PPP2R2C: variants seen among roughly 807,000 people sequenced by gnomAD.
PPP2R2C encodes the protein protein phosphatase 2 regulatory subunit Bgamma, also known as protein phosphatase 2, regulatory subunit B, gamma.
A neutral mutation model predicts 45.3 loss-of-function variants in PPP2R2C; 10 were observed. That is an observed-to-expected ratio of 0.22 (90% CI 0.14 to 0.37). PPP2R2C has a LOEUF of 0.37. Among genes scored for constraint, PPP2R2C ranks in the 10% least tolerant of loss-of-function variants. PPP2R2C has a pLI of 1.00. For synonymous variants in PPP2R2C, 257 were observed against 245.4 expected, an observed-to-expected ratio of 1.05 and a Z score of -0.44; for missense variants, 308 against 619.7, an observed-to-expected ratio of 0.50 and a Z score of 5.34.
intron 2 of PPP2R2C, among the ~76,000 whole-genome samples, chr4:6,528,747 C>T (rs148364978): frequency 0.048 from 7,364 of 152,258 alleles, 236 homozygotes; most frequent in Middle Eastern, 0.099. Flanking sequence ...TAACTGATGA[C>T]ATTATCTTGT....
Position 6,471,496 on chromosome 4 carries a change from T to TTTTAAACAG in PPP2R2C, c.70+663_70+664insCTGTTTAAA, listed in dbSNP as rs1464024386. 3 of 152,284 alleles carry TTTTAAACAG rather than the reference T, an allele frequency of 2.0e-5. No homozygotes were observed. Among genetic ancestry groups the TTTTAAACAG allele is most frequent in the East Asian group, 3.9e-4 (2 of 5,136 alleles). 9.4% of individuals were successfully genotyped at this position (152,284 alleles called of 1,614,324 possible). A position where few individuals can be genotyped will look rare whatever the true frequency, so the allele number is the denominator to read the frequency against. ...GATTTTAAACAGGGCCTGTTTGGGA[T>TTTTAAACAG]GGCATGTCCCACTTTTTTGGAAAAT... On this transcript the variant is annotated intron_variant, in intron 1 of 8. Transcript: ENST00000382599. The surrounding 1 kb of genome is among the most constrained non-coding windows in gnomAD (Gnocchi z 5.6).
chr4:6,394,092 C>G (rs142003741), intron 1 of PPP2R2C, among the ~76,000 whole-genome samples: 3 of 152,196 alleles, frequency 2.0e-5, no homozygotes, highest in Admixed American at 6.5e-5. Context: ...CTCCTAAAGA[C>G]GAAGCTTGCC....
At chr4:6,485,206 T>G (rs773619612) in intron 2 of PPP2R2C, among the ~76,000 whole-genome samples, 1 of 151,956 alleles carries the variant, frequency 6.6e-6, no homozygotes, top group Non-Finnish European at 1.5e-5. Context: ...GTAAATTACA[T>G]TGATAATTTT....
At position 6,555,303 on chromosome 4, in the gene PPP2R2C, C is replaced by G. The variant is rs60650121; in HGVS notation, c.-59+8257G>C. Among the ~76,000 whole-genome samples the G allele has an allele frequency of 8.5e-3, 1,298 of 152,334 alleles. 15 individuals are homozygous for G. The highest frequency in any genetic ancestry group is 0.03 in the African/African-American group (1,228 of 41,562). On this transcript the variant is annotated intron_variant, in intron 1 of 9. Coordinates refer to the PPP2R2C transcript ENST00000506140. Reference sequence around the variant, plus strand: ...CCACCACACAGCCCCAACACACTAACACAGTGGCCACGTCTGGGGCTGCCC... The same window carrying G: ...CCACCACACAGCCCCAACACACTAAGACAGTGGCCACGTCTGGGGCTGCCC...
chr4:6,469,033 A>G lies in PPP2R2C; in HGVS notation c.70+3127T>C, dbSNP rs923633684. Among the ~76,000 whole-genome samples the G allele has an allele frequency of 3.0e-5, 4 of 134,498 alleles. 1 individual carries two copies. Among genetic ancestry groups the G allele is most frequent in the Admixed American group, 2.7e-4 (3 of 11,184 alleles). 88.2% of individuals were successfully genotyped at this position (134,498 alleles called of 152,430 possible). Reference sequence around the variant, plus strand: ...CACCTAATCATCACCATAACCCTCAATGCAGTTGAGCCCAGCCAAGAGTAA... The same window carrying G: ...CACCTAATCATCACCATAACCCTCAGTGCAGTTGAGCCCAGCCAAGAGTAA... On this transcript the variant is annotated intron_variant, in intron 1 of 8. Transcript: ENST00000382599.
chr4:6,356,642 G>A (rs1305330361), intron 5 of PPP2R2C, among the ~76,000 whole-genome samples: 7 of 152,356 alleles, frequency 4.6e-5, no homozygotes, highest in East Asian at 3.9e-4. Context: ...GGTAGTCCAC[G>A]TGAAGCGCTG....
At chr4:6,410,683 G>C (rs1459047430) in intron 1 of PPP2R2C, among the ~76,000 whole-genome samples, 3 of 151,918 alleles carry the variant, frequency 2.0e-5, no homozygotes, top group Non-Finnish European at 2.9e-5. Flanking sequence ...TATCACAGGG[G>C]AGACGTGGAG....
At chr4:6,482,041 T>C (rs1722372679) in intron 2 of PPP2R2C, among the ~76,000 whole-genome samples, 1 of 149,478 alleles carries the variant, frequency 6.7e-6, no homozygotes, top group African/African-American at 2.5e-5. Context: ...TCACTGAAAC[T>C]TCAATTAGCT....
chr4:6,358,845 A>G (rs1436890446), intron 5 of PPP2R2C, among the ~76,000 whole-genome samples: 2 of 152,224 alleles, frequency 1.3e-5, no homozygotes, highest in Non-Finnish European at 2.9e-5. Context: ...TCAGGAAACA[A>G]CAGGTGCTGG....
At chr4:6,445,176 G>A (rs1388271152) in intron 1 of PPP2R2C, among the ~76,000 whole-genome samples, 2 of 151,744 alleles carry the variant, frequency 1.3e-5, no homozygotes, top group South Asian at 2.1e-4. Context: ...GTGACAGAGT[G>A]AGACCCTGTC....
intron 1 of PPP2R2C, among the ~76,000 whole-genome samples, chr4:6,443,523 C>T (rs1464436732): frequency 6.6e-6 from 1 of 152,190 alleles, no homozygotes; most frequent in Non-Finnish European, 1.5e-5. Context: ...TCTCAGAAGT[C>T]ACTCTGCCGC....
intron 1 of PPP2R2C, among the ~76,000 whole-genome samples, chr4:6,436,235 T>A (rs916900654): frequency 9.2e-5 from 14 of 152,252 alleles, no homozygotes; most frequent in African/African-American, 3.1e-4. Flanking sequence ...GGTATTCTGC[T>A]ATAGCAGCAT....
intron 2 of PPP2R2C, among the ~76,000 whole-genome samples, chr4:6,523,834 G>GAC (rs1174603637): frequency 1.3e-5 from 2 of 152,206 alleles, no homozygotes; most frequent in Admixed American, 6.5e-5. Flanking sequence ...TCCATCCACA[G>GAC]ACGAATGGAT....
chr4:6,334,034 A>C (rs1732636143), intron 6 of PPP2R2C, among the ~76,000 whole-genome samples: 1 of 152,296 alleles, frequency 6.6e-6, no homozygotes, highest in Non-Finnish European at 1.5e-5. Context: ...CCAAAGCTAT[A>C]CTTGATGTGC....
At chr4:6,515,284 C>T (rs562852801) in intron 2 of PPP2R2C, among the ~76,000 whole-genome samples, 23 of 152,324 alleles carry the variant, frequency 1.5e-4, no homozygotes, top group African/African-American at 5.5e-4. Context: ...CAACCGAACA[C>T]TCTCATAGAA....
At chr4:6,496,600 G>T (rs147950113) in intron 2 of PPP2R2C, among the ~76,000 whole-genome samples, 1 of 152,198 alleles carries the variant, frequency 6.6e-6, no homozygotes, top group Non-Finnish European at 1.5e-5. Context: ...AGTGGCTCAC[G>T]CCTGTAATCC....
At chr4:6,469,773 T>C (rs1721769267) in intron 1 of PPP2R2C, among the ~76,000 whole-genome samples, 2 of 152,222 alleles carry the variant, frequency 1.3e-5, no homozygotes, top group Admixed American at 1.3e-4. Flanking sequence ...GCTCTGAGCA[T>C]GAAATATAGT....
intron 2 of PPP2R2C, among the ~76,000 whole-genome samples, chr4:6,503,443 T>G (rs1408587253): frequency 6.6e-6 from 1 of 152,222 alleles, no homozygotes; most frequent in Non-Finnish European, 1.5e-5. Context: ...GGCCTTCTTT[T>G]TCTCCCTGAC....
At chr4:6,556,968 C>T (rs557308791) in intron 1 of PPP2R2C, among the ~76,000 whole-genome samples, 3 of 152,248 alleles carry the variant, frequency 2.0e-5, no homozygotes, top group South Asian at 2.1e-4. Flanking sequence ...AAAGACTCCC[C>T]GGCAGAGATC....
Sources: gnomAD v4.1 joint callset for allele counts (sites outside exome capture counted in the v4.1 genomes callset) on GRCh38, gnomAD v4.1.1 for gene constraint, Gnocchi (gnomAD v3.1) non-coding constraint, MANE v1.5 for transcripts, NCBI Gene and HGNC (gene_info 2026-07-23, HGNC 2026-07-21) for gene names.